The following MAF variants were observed in gnomAD, a reference collection of about 807,000 sequenced individuals.
MAF encodes MAF bZIP transcription factor.
A neutral mutation model predicts 22.0 loss-of-function variants in MAF; 10 were observed. The observed-to-expected ratio is 0.45, with a 90% CI of 0.28 to 0.77. MAF has a LOEUF of 0.77. MAF is among the 30% of genes least tolerant of loss of function. The pLI is 0.12. For missense variants in MAF, 544 were observed against 548.4 expected (o/e 0.99, Z 0.08); for synonymous variants, 337 against 255.8 (o/e 1.32, Z -3.03).
At chr16:79,217,046 G>T in the MAF span, among the ~76,000 whole-genome samples, 1 of 152,216 alleles carries the variant, frequency 6.6e-6, no homozygotes, top group South Asian at 2.1e-4. Flanking sequence ...CTGCCCTAAA[G>T]TGATCCAACT....
the MAF span, among the ~76,000 whole-genome samples, chr16:79,395,858 G>A: frequency 6.6e-6 from 1 of 152,172 alleles, no homozygotes; most frequent in South Asian, 2.1e-4. Flanking sequence ...TGATGAAAGA[G>A]GACAGGGCAG....
At chr16:79,369,432 C>T in the MAF span, among the ~76,000 whole-genome samples, 3 of 151,724 alleles carry the variant, frequency 2.0e-5, no homozygotes, top group African/African-American at 7.2e-5. Flanking sequence ...ACAAACATTA[C>T]TGCATCCCAG....
chr16:79,566,332 A>G, the MAF span, among the ~76,000 whole-genome samples: 6 of 152,194 alleles, frequency 3.9e-5, no homozygotes, highest in Admixed American at 3.3e-4. Context: ...AAAAGGCTGT[A>G]AGAGCTGAGG....
the MAF span, among the ~76,000 whole-genome samples, chr16:79,417,207 T>C: frequency 6.6e-6 from 1 of 152,200 alleles, no homozygotes; most frequent in Non-Finnish European, 1.5e-5. Flanking sequence ...ACCTAATTCT[T>C]TAATGGACTC....
chr16:79,347,777 T>C, the MAF span, among the ~76,000 whole-genome samples: 2 of 152,136 alleles, frequency 1.3e-5, no homozygotes, highest in Non-Finnish European at 2.9e-5. Context: ...TCCTAACTCC[T>C]GTCTTAGGTA....
the MAF span, among the ~76,000 whole-genome samples, chr16:79,329,880 G>T: frequency 2.9e-4 from 44 of 151,974 alleles, no homozygotes; most frequent in African/African-American, 1.1e-3. Context: ...CTTCCTACAT[G>T]GAAATGTTGG....
the MAF span, among the ~76,000 whole-genome samples, chr16:79,569,708 T>A: frequency 6.6e-6 from 1 of 151,586 alleles, no homozygotes; most frequent in Non-Finnish European, 1.5e-5. Context: ...AAATTATTGA[T>A]GCCTGGGTAC....
At chr16:79,273,347 G>C in the MAF span, among the ~76,000 whole-genome samples, 3 of 152,188 alleles carry the variant, frequency 2.0e-5, no homozygotes, top group Non-Finnish European at 4.4e-5. Context: ...GTGGACGTTA[G>C]ACTTTTCATT....
chr16:79,408,650 T>C, the MAF span, among the ~76,000 whole-genome samples: 21 of 152,216 alleles, frequency 1.4e-4, no homozygotes, highest in East Asian at 3.9e-3. Flanking sequence ...CATCCTTCTT[T>C]TCTTTTTTCA....
the MAF span, among the ~76,000 whole-genome samples, chr16:79,506,177 T>A: frequency 6.6e-6 from 1 of 152,136 alleles, no homozygotes; most frequent in Non-Finnish European, 1.5e-5. Context: ...AAATGTAAAA[T>A]CAACTGAATA....
the MAF span, among the ~76,000 whole-genome samples, chr16:79,329,717 A>C: frequency 1.6e-4 from 25 of 152,352 alleles, no homozygotes; most frequent in East Asian, 3.5e-3. Flanking sequence ...GTAAAGTGAA[A>C]ATAAAGCATC....
the MAF span, among the ~76,000 whole-genome samples, chr16:79,574,564 C>T: frequency 5.9e-5 from 9 of 152,228 alleles, no homozygotes; most frequent in East Asian, 9.7e-4. Context: ...TCACTGATTT[C>T]GTGAGACCCA....
chr16:79,518,855 G>A, the MAF span, among the ~76,000 whole-genome samples: 2 of 152,136 alleles, frequency 1.3e-5, 1 homozygote. Context: ...AACCCAGGAG[G>A]CGGAGGTTGC....
the MAF span, among the ~76,000 whole-genome samples, chr16:79,368,345 G>A: frequency 6.6e-6 from 1 of 152,226 alleles, no homozygotes; most frequent in East Asian, 1.9e-4. Context: ...GCCACAGAGG[G>A]TAGACATTAT....
chr16:79,319,610 G>A, the MAF span, among the ~76,000 whole-genome samples: 1 of 152,158 alleles, frequency 6.6e-6, no homozygotes. Context: ...AGACAGGTGG[G>A]ATTCTTGGCA....
At chr16:79,233,226 C>G in the MAF span, among the ~76,000 whole-genome samples, 1 of 151,990 alleles carries the variant, frequency 6.6e-6, no homozygotes, top group Non-Finnish European at 1.5e-5. Context: ...TATCAATGCA[C>G]AGAATGGGTC....
At chr16:79,435,042 C>T in the MAF span, among the ~76,000 whole-genome samples, 5 of 152,130 alleles carry the variant, frequency 3.3e-5, no homozygotes, top group African/African-American at 9.7e-5. Context: ...TGTGGAGAAG[C>T]GAAGTGAGTT....
the MAF span, among the ~76,000 whole-genome samples, chr16:79,420,442 G>C: frequency 6.6e-6 from 1 of 152,180 alleles, no homozygotes; most frequent in Non-Finnish European, 1.5e-5. Context: ...TGGCTTCTTG[G>C]CTTTTCTTTT....
the MAF span, among the ~76,000 whole-genome samples, chr16:79,322,826 T>C: frequency 6.6e-6 from 1 of 151,808 alleles, no homozygotes; most frequent in Non-Finnish European, 1.5e-5. Flanking sequence ...GACCCCATAG[T>C]CCCTGCCAAA....
Sources: allele counts gnomAD v4.1 joint callset (sites outside exome capture counted in the v4.1 genomes callset), GRCh38; gene constraint gnomAD v4.1.1; transcripts MANE v1.5; gene names NCBI Gene and HGNC (gene_info 2026-07-23, HGNC 2026-07-21).